Variants in CRACR2A observed in about 807,000 individuals in gnomAD.
The protein encoded by CRACR2A is calcium release activated channel regulator 2A.
CRACR2A carries 79 observed loss-of-function variants against 90.5 expected under a neutral mutation model. The ratio of observed to expected loss-of-function variants is 0.87; its 90% CI spans 0.73 to 1.05. The LOEUF is 1.05. CRACR2A is among the 50% of genes least tolerant of loss of function. The probability of loss-of-function intolerance (pLI) is 0.00; values close to 1 mark genes in which losing one functional copy is unlikely to be tolerated. For missense variants in CRACR2A, 823 were observed against 897.2 expected, an observed-to-expected ratio of 0.92 and a Z score of 1.06; for synonymous variants, 338 against 356.7, an observed-to-expected ratio of 0.95 and a Z score of 0.59.
intron 15 of CRACR2A, among the ~76,000 whole-genome samples, chr12:3,632,016 T>C (rs1005870868): frequency 2.3e-4 from 35 of 152,130 alleles, no homozygotes; most frequent in African/African-American, 8.4e-4. Flanking sequence ...TCCCCAGTGT[T>C]GGAGGTGGGG....
chr12:3,622,636 G>A (rs1282428562), intron 17 of CRACR2A, among the ~76,000 whole-genome samples: 1 of 152,162 alleles, frequency 6.6e-6, no homozygotes, highest in Non-Finnish European at 1.5e-5. Context: ...GTGCATGTGT[G>A]TGTGTGTGTG....
Position 3,638,357 on chromosome 12 carries a change from C to A in CRACR2A, c.1369G>T (p.Glu457Ter). The A allele has an allele frequency of 1.9e-6, 3 of 1,551,608 alleles. No individual in the cohort carries two copies. Among genetic ancestry groups the A allele is most frequent in the Non-Finnish European group, 2.6e-6 (3 of 1,146,946 alleles). The change falls in exon 14 of 20, where the codon GAG becomes TAG. Residue 457 changes from glutamate to a stop codon, truncating the protein, a stop_gained. Coordinates refer to ENST00000440314, the MANE Select transcript of CRACR2A (RefSeq NM_001144958.2). LOFTEE classifies it high-confidence loss of function. Reference sequence around the variant, plus strand: ...GGGTACGGACCCCCAGGCCCTGGCTCCCCGGTTCCTGGCTCCTCTTCTGTT... The same window carrying A: ...GGGTACGGACCCCCAGGCCCTGGCTACCCGGTTCCTGGCTCCTCTTCTGTT... Reference protein sequence around the residue: ...PLTEEEPGTGEPGPGGPYPRP... With the variant: ...PLTEEEPGTG
At chr12:3,692,610 A>G (rs1372220307) in intron 4 of CRACR2A, among the ~76,000 whole-genome samples, 1 of 152,154 alleles carries the variant, frequency 6.6e-6, no homozygotes, top group Non-Finnish European at 1.5e-5. Context: ...GTGTGGTGGC[A>G]GTGGGATCTG....
intron 15 of CRACR2A, among the ~76,000 whole-genome samples, chr12:3,629,088 C>G (rs1012625419): frequency 1.3e-5 from 2 of 152,232 alleles, no homozygotes; most frequent in African/African-American, 2.4e-5. Flanking sequence ...TCCCTCTTCA[C>G]CTTCACAGAG....
intron 7 of CRACR2A, among the ~76,000 whole-genome samples, chr12:3,661,832 C>G (rs12310498): frequency 0.032 from 4,854 of 152,276 alleles, 283 homozygotes; most frequent in African/African-American, 0.11. Flanking sequence ...GAAACTTAAA[C>G]ATTGATTTGG....
At chr12:3,677,572 C>A (rs1348283596) in intron 6 of CRACR2A, among the ~76,000 whole-genome samples, 2 of 152,350 alleles carry the variant, frequency 1.3e-5, no homozygotes, top group African/African-American at 2.4e-5. Flanking sequence ...AGCTCACCTG[C>A]ACTGCCTTCT....
At chr12:3,686,198 A>G (rs1945550278) in intron 4 of CRACR2A, among the ~76,000 whole-genome samples, 1 of 152,220 alleles carries the variant, frequency 6.6e-6, no homozygotes, top group Non-Finnish European at 1.5e-5. Context: ...TTTCTAGTTA[A>G]CCTAAATCAG....
At chr12:3,744,149 C>A (rs1348101547) in intron 1 of CRACR2A, among the ~76,000 whole-genome samples, 2 of 152,228 alleles carry the variant, frequency 1.3e-5, no homozygotes, top group African/African-American at 4.8e-5. Flanking sequence ...TGCACCAATT[C>A]TCTGCCTTGG....
chr12:3,671,358 C>T (rs1186977391), intron 7 of CRACR2A, among the ~76,000 whole-genome samples: 1 of 152,100 alleles, frequency 6.6e-6, no homozygotes, highest in Non-Finnish European at 1.5e-5. Context: ...GGGTCAGCCA[C>T]TAATCTAGCC....
intron 2 of CRACR2A, among the ~76,000 whole-genome samples, chr12:3,723,039 T>C (rs1304576189): frequency 6.6e-6 from 1 of 152,210 alleles, no homozygotes; most frequent in Non-Finnish European, 1.5e-5. Context: ...CTCAGGAACT[T>C]TGTACTCCTC....
intron 1 of CRACR2A, among the ~76,000 whole-genome samples, chr12:3,741,967 C>T (rs1392033090): frequency 6.6e-6 from 1 of 152,244 alleles, no homozygotes; most frequent in Non-Finnish European, 1.5e-5. Flanking sequence ...ATGACTGTCA[C>T]TCTGCTAGTT....
chr12:3,654,932 C>A (rs1200539831), intron 9 of CRACR2A, among the ~76,000 whole-genome samples: 1 of 152,148 alleles, frequency 6.6e-6, no homozygotes, highest in African/African-American at 2.4e-5. Context: ...CCTGAAAATT[C>A]TTAGGAAATA....
chr12:3,654,263 T>C lies in CRACR2A; in HGVS notation c.995A>G (p.Gln332Arg), dbSNP rs147149235. The change falls in exon 10 of 20, where the codon CAG (glutamine) becomes CGG (arginine). Residue 332 changes from glutamine to arginine, a missense_variant. Coordinates refer to ENST00000440314, the MANE Select transcript of CRACR2A (RefSeq NM_001144958.2). Reference protein sequence around the residue: ...TSWELQDAQQQLESLQQEACK... With the variant: ...TSWELQDAQQRLESLQQEACK... The stretch of plus-strand genomic sequence containing the variant: ...GGCCTCTTGCTGGAGGCTTTCCAAC[T>C]GCTGCTGAGCATCCTGGAGCTCCCA... 7 of 1,613,742 alleles carry C rather than the reference T, an allele frequency of 4.3e-6. No individual in the cohort carries two copies. Among genetic ancestry groups the C allele is most frequent in the Non-Finnish European group, 5.1e-6 (6 of 1,179,948 alleles).
chr12:3,627,158 C>CAATGACACAGCTACTGGCAT (rs1944279430), intron 17 of CRACR2A, among the ~76,000 whole-genome samples: 1 of 152,186 alleles, frequency 6.6e-6, no homozygotes, highest in Admixed American at 6.5e-5. Flanking sequence ...CATGGCCCAG[C>CAATGACACAGCTACTGGCAT]AATGACACAG....
At chr12:3,739,226 C>T (rs1332728335) in intron 1 of CRACR2A, among the ~76,000 whole-genome samples, 2 of 152,192 alleles carry the variant, frequency 1.3e-5, no homozygotes, top group Non-Finnish European at 2.9e-5. Flanking sequence ...GGTAGTCAGA[C>T]ATGCTTATAC....
intron 2 of CRACR2A, chr12:3,727,922 C>T (rs375587577): frequency 5.3e-5 from 8 of 152,224 alleles, no homozygotes; most frequent in East Asian, 1.9e-4. Context: ...TCAAGTGTAA[C>T]CTCATTCATT....
At chr12:3,697,181 C>T in intron 3 of CRACR2A, 146 bp from the exon 4 acceptor site, 3 of 1,029,930 alleles carry the variant, frequency 2.9e-6, no homozygotes, top group Non-Finnish European at 4.1e-6. Context: ...TTAGCAAAAG[C>T]TCAGGACAAG....
intron 8 of CRACR2A, among the ~76,000 whole-genome samples, chr12:3,658,101 G>T (rs1944951323): frequency 6.6e-6 from 1 of 152,198 alleles, no homozygotes; most frequent in African/African-American, 2.4e-5. Context: ...AGCTTTAAAG[G>T]CATTTGGTGT....
rs1352743107 is a variant in CRACR2A at position 3,696,878 on chromosome 12, G to T, written c.122C>A (p.Thr41Asn). 1.2e-6 allele frequency: 2 copies of T among 1,614,210 alleles called. No individual in the cohort carries two copies. The highest frequency in any genetic ancestry group is 3.3e-5 in the Admixed American group (2 of 60,026). The change falls in exon 4 of 20, where the codon ACT becomes AAT. Residue 41 changes from threonine to asparagine, a missense_variant. Transcript: ENST00000440314. Reference sequence around the variant, plus strand: ...TAGCTGGCCCGACGTTTGCTCCTGAGTCTCCTTCTGCTCCAGGCTGTCCAG... The same window carrying T: ...TAGCTGGCCCGACGTTTGCTCCTGATTCTCCTTCTGCTCCAGGCTGTCCAG... ...HPLDSLEQKE[T>N]QEQTSGQLVM...
Sources: allele counts gnomAD v4.1 joint callset (sites outside exome capture counted in the v4.1 genomes callset), GRCh38; gene constraint gnomAD v4.1.1; transcripts MANE v1.5; gene names NCBI Gene and HGNC (gene_info 2026-07-23, HGNC 2026-07-21).